MAX: variants seen among roughly 807,000 people sequenced by gnomAD.
The protein encoded by MAX is protein max.
Under a neutral mutation model 22.3 loss-of-function variants are expected in MAX, and 3 were observed. That is an observed-to-expected ratio of 0.13 (90% CI 0.06 to 0.35). The LOEUF (loss-of-function observed/expected upper bound fraction) is 0.35, where lower values mean the gene tolerates loss of function less well. Ranked by LOEUF, MAX falls within the 10% of genes least tolerant of loss-of-function variation. MAX has a pLI of 1.00. For missense variants in MAX, 119 were observed against 209.4 expected (o/e 0.57, Z 2.66); for synonymous variants, 72 against 77.7 (o/e 0.93, Z 0.39).
chr14:65,043,872 C>A (rs976194292), intron 3 of MAX, among the ~76,000 whole-genome samples: 25 of 136,468 alleles, frequency 1.8e-4, no homozygotes, highest in African/African-American at 6.1e-4. Flanking sequence ...AAATGTAGTA[C>A]CAAATTCCAT....
At position 65,061,424 on chromosome 14, in the gene MAX, C is replaced by T. The variant is rs746306370; in HGVS notation, c.171+32284G>A. The T allele has an allele frequency of 1.1e-4, 156 of 1,463,182 alleles. No individual in the cohort carries two copies. The Middle Eastern group carries it at 1.5e-3, about 14-fold the overall frequency. The allele number at this position is 1,463,182 out of a possible 1,614,324, so 90.6% of individuals were successfully genotyped here. On this transcript the variant is annotated intron_variant, in intron 3 of 3. Transcript: ENST00000341653. ...TACACAAGCCTTAGCCTCAGTGGAG[C>T]TGTGGTTCTCTTGGTACTTTCTTGT...
chr14:65,068,953 C>T (rs1595119927), intron 3 of MAX, among the ~76,000 whole-genome samples: 1 of 152,250 alleles, frequency 6.6e-6, no homozygotes, highest in East Asian at 1.9e-4. Flanking sequence ...GCTACCAGAC[C>T]AGGGCAGGGT....
chr14:65,054,754 A>G lies in MAX; in HGVS notation c.171+38954T>C, dbSNP rs2062692533. The G allele has an allele frequency of 1.3e-6, 2 of 1,515,112 alleles. No homozygotes were observed. The highest frequency in any genetic ancestry group is 9.0e-7 in the Non-Finnish European group (1 of 1,115,136). 93.9% of individuals were successfully genotyped at this position (1,515,112 alleles called of 1,614,324 possible). ...GACCTCGCGGACAGAAGGCTTTCCA[A>G]GTAAGCAGAACTGGCTCTGCATTTC... is the stretch of plus-strand genomic sequence containing the variant. On this transcript the variant is annotated intron_variant, in intron 3 of 3. Transcript: ENST00000341653. The surrounding 1 kb of genome is among the most constrained non-coding windows in gnomAD (Gnocchi z 4.4).
chr14:65,087,687 C>T (rs772551774), intron 3 of MAX, among the ~76,000 whole-genome samples: 6 of 152,186 alleles, frequency 3.9e-5, no homozygotes, highest in Non-Finnish European at 7.3e-5. Context: ...TTTACAGGCT[C>T]ATAGGCAGAA....
At chr14:65,018,444 T>G (rs2061821099) in intron 3 of MAX, among the ~76,000 whole-genome samples, 1 of 152,168 alleles carries the variant, frequency 6.6e-6, no homozygotes, top group Non-Finnish European at 1.5e-5. Context: ...ATATAGATGA[T>G]GATATGCATA....
At position 65,028,590 on chromosome 14, in the gene MAX, G is replaced by A. The variant is rs559951881; in HGVS notation, c.172-22306C>T. 6.6e-6 allele frequency among the ~76,000 whole-genome samples: 1 copy of A among 152,338 alleles called. No homozygotes were observed. Among genetic ancestry groups the A allele is most frequent in the South Asian group, 2.1e-4 (1 of 4,830 alleles). ...ATCTGGTTTAACCATTGGTTTGAAA[G>A]TATAGGGGAGGAAAAAACCACGAAC... is the stretch of plus-strand genomic sequence containing the variant. On this transcript the variant is annotated intron_variant, in intron 3 of 3. Transcript: ENST00000341653. This position sits in a 1 kb window ranked among gnomAD's most constrained non-coding sequence, Gnocchi z 4.4.
intron 3 of MAX, among the ~76,000 whole-genome samples, chr14:65,049,051 C>T (rs1415041368): frequency 6.6e-6 from 1 of 151,890 alleles, no homozygotes; most frequent in Admixed American, 6.6e-5. Flanking sequence ...CCCTTGAACC[C>T]CGGAGGCGGA....
chr14:65,090,813 T>A (rs552600742), intron 3 of MAX, among the ~76,000 whole-genome samples: 1 of 152,352 alleles, frequency 6.6e-6, no homozygotes, highest in South Asian at 2.1e-4. Flanking sequence ...AACCATTTTT[T>A]AAAATGTTTA....
chr14:65,010,677 C>T (rs1284982803), intron 3 of MAX, among the ~76,000 whole-genome samples: 1 of 152,214 alleles, frequency 6.6e-6, no homozygotes, highest in African/African-American at 2.4e-5. Context: ...TCTCAAAAAC[C>T]TTCAGGACTT....
rs573179960 is a variant in MAX at position 65,033,887 on chromosome 14, A to C, written c.172-27603T>G. ...AAGAAGCAAAAGGTATAGTAGACACATATATACTATGATGGAATGATAGCC... is the reference window on the plus strand; with the variant it reads ...AAGAAGCAAAAGGTATAGTAGACACCTATATACTATGATGGAATGATAGCC... On this transcript the variant is annotated intron_variant, in intron 3 of 3. Transcript: ENST00000341653. 9.2e-4 allele frequency among the ~76,000 whole-genome samples: 140 copies of C among 152,342 alleles called. 7 individuals carry two copies. The South Asian group carries it at 0.024, about 26-fold the overall frequency.
In MAX at chr14:65,084,098, T is replaced by A. The variant is rs7159443; in HGVS notation, c.172-6062A>T. 649,180 of 1,599,354 alleles carry A rather than the reference T, an allele frequency of 0.41. 139,677 individuals carry two copies. Among genetic ancestry groups the A allele is most frequent in the African/African-American group, 0.78 (58,287 of 74,602 alleles). ...AGGACCATTTTGCTGATTACCAGGGTAAGGCAGAGCTATCAGCCCTCAAGC... is the reference window on the plus strand; with the variant it reads ...AGGACCATTTTGCTGATTACCAGGGAAAGGCAGAGCTATCAGCCCTCAAGC... On this transcript the variant is annotated intron_variant, in intron 3 of 4. Coordinates refer to ENST00000358664, the MANE Select transcript of MAX (RefSeq NM_002382.5). This position sits in a 1 kb window ranked among gnomAD's most constrained non-coding sequence, Gnocchi z 4.3.
chr14:65,068,794 G>C (rs556725354), intron 3 of MAX, among the ~76,000 whole-genome samples: 58 of 152,242 alleles, frequency 3.8e-4, no homozygotes, highest in African/African-American at 1.3e-3. Context: ...TTTGGGTTCA[G>C]TATACTATTC....
intron 3 of MAX, among the ~76,000 whole-genome samples, chr14:65,055,393 TCTTA>T: frequency 6.6e-6 from 1 of 152,284 alleles, no homozygotes; most frequent in East Asian, 1.9e-4. Context: ...AGTTCCCTAC[TCTTA>T]CTAAGCCCTA....
chr14:65,096,854 C>T (rs1299040327), intron 2 of MAX, among the ~76,000 whole-genome samples: 2 of 152,184 alleles, frequency 1.3e-5, no homozygotes, highest in Non-Finnish European at 2.9e-5. Context: ...TAGGAGACCA[C>T]AGAGGTATTC....
chr14:65,033,156 T>C (rs1356339750), intron 3 of MAX, among the ~76,000 whole-genome samples: 1 of 152,136 alleles, frequency 6.6e-6, no homozygotes, highest in Non-Finnish European at 1.5e-5. Context: ...CGGAATATAA[T>C]GTAGCAGTGA....
intron 3 of MAX, among the ~76,000 whole-genome samples, chr14:65,063,756 G>A (rs1362422489): frequency 6.6e-6 from 1 of 152,134 alleles, no homozygotes; most frequent in Non-Finnish European, 1.5e-5. Flanking sequence ...ATAGAAATGG[G>A]GTTTCACCAC....
chr14:65,017,058 G>A (rs1000550506), intron 3 of MAX, among the ~76,000 whole-genome samples: 1 of 151,878 alleles, frequency 6.6e-6, no homozygotes, highest in Non-Finnish European at 1.5e-5. Context: ...GAGTAGCTGG[G>A]ATTACAGGCA....
chr14:65,053,557 C>T (rs2062659294), intron 3 of MAX, among the ~76,000 whole-genome samples: 1 of 151,898 alleles, frequency 6.6e-6, no homozygotes, highest in African/African-American at 2.4e-5. Flanking sequence ...GTCTTGTCCC[C>T]CAGCCTGCAT....
intron 3 of MAX, among the ~76,000 whole-genome samples, chr14:65,086,563 C>G (rs562103891): frequency 1.3e-5 from 2 of 152,226 alleles, no homozygotes; most frequent in South Asian, 4.1e-4. Context: ...AGCATTTTGC[C>G]CCTACGCTAG....
Sources: allele counts gnomAD v4.1 joint callset (sites outside exome capture counted in the v4.1 genomes callset), GRCh38; gene constraint gnomAD v4.1.1; non-coding constraint Gnocchi (gnomAD v3.1); transcripts MANE v1.5; gene names NCBI Gene and HGNC (gene_info 2026-07-23, HGNC 2026-07-21).